The following SAMD3 variants were observed in gnomAD, a reference collection of about 807,000 sequenced individuals.
The protein encoded by SAMD3 is sterile alpha motif domain containing 3.
A neutral mutation model predicts 58.5 loss-of-function variants in SAMD3; 63 were observed. The ratio of observed to expected loss-of-function variants is 1.08; its 90% CI spans 0.88 to 1.33. SAMD3 has a LOEUF of 1.33. Among genes scored for constraint, SAMD3 ranks in the 40% most tolerant of loss-of-function variants. The pLI is 0.00. For missense variants in SAMD3, 604 were observed against 608.4 expected, an observed-to-expected ratio of 0.99 and a Z score of 0.08; for synonymous variants, 220 against 210.3, an observed-to-expected ratio of 1.05 and a Z score of -0.40.
At position 130,199,784 on chromosome 6, in the gene SAMD3, T is replaced by A. The variant is rs367852701; in HGVS notation, c.383+9711A>T. Among the ~76,000 whole-genome samples, 9 of 152,196 alleles carry A rather than the reference T, an allele frequency of 5.9e-5. No homozygotes were observed. In the East Asian group the frequency reaches 1.2e-3, roughly 20 times the overall value. ...GAAAATGCTGTTTTGTTGCTGCAAC[T>A]GATGGTACCCACCGTGAATTCTGAA... On this transcript the variant is annotated intron_variant, in intron 5 of 11. Coordinates refer to ENST00000439090, the MANE Select transcript of SAMD3 (RefSeq NM_001017373.4).
intron 2 of SAMD3, among the ~76,000 whole-genome samples, chr6:130,267,785 A>C (rs1428879357): frequency 6.6e-6 from 1 of 152,198 alleles, no homozygotes; most frequent in African/African-American, 2.4e-5. Context: ...CCACCAGTGC[A>C]TGCAGCCCCT....
At chr6:130,291,923 T>G (rs909246629) in intron 2 of SAMD3, among the ~76,000 whole-genome samples, 4 of 152,156 alleles carry the variant, frequency 2.6e-5, no homozygotes, top group Non-Finnish European at 5.9e-5. Context: ...GTCTAAGTGT[T>G]CAGATAAAAA....
intron 2 of SAMD3, among the ~76,000 whole-genome samples, chr6:130,264,028 T>C (rs1160570608): frequency 6.6e-6 from 1 of 152,204 alleles, no homozygotes; most frequent in Non-Finnish European, 1.5e-5. Flanking sequence ...TAAGACAGGA[T>C]ACCAAGATGC....
At chr6:130,319,975 AAG>A in intron 1 of SAMD3, among the ~76,000 whole-genome samples, 1 of 152,094 alleles carries the variant, frequency 6.6e-6, no homozygotes, top group East Asian at 1.9e-4. Flanking sequence ...ATGAATTGCA[AAG>A]AGAAAAAAAT....
intron 2 of SAMD3, among the ~76,000 whole-genome samples, chr6:130,289,625 G>C (rs1260753720): frequency 6.6e-6 from 1 of 152,106 alleles, no homozygotes; most frequent in Non-Finnish European, 1.5e-5. Context: ...TCAGCCTCCT[G>C]AGTAGCTGGG....
chr6:130,180,656 G>A (rs1178283635), intron 7 of SAMD3, among the ~76,000 whole-genome samples: 1 of 152,084 alleles, frequency 6.6e-6, no homozygotes, highest in African/African-American at 2.4e-5. Flanking sequence ...TGTTTTTTAA[G>A]AGAAATTTTG....
intron 2 of SAMD3, among the ~76,000 whole-genome samples, chr6:130,289,575 C>T (rs1262952510): frequency 6.6e-6 from 1 of 152,224 alleles, no homozygotes; most frequent in East Asian, 1.9e-4. Context: ...TCTCGGCTCA[C>T]TGCAACCTCC....
chr6:130,184,429 GTCAC>G lies in SAMD3; in HGVS notation c.569+5_569+8del. ...CCCAAAGCAGCAAGCTTGTCCTGTTGTCACTCACAGTGAGCCTTCCAGATACTTA... is the reference window on the plus strand; with the variant it reads ...CCCAAAGCAGCAAGCTTGTCCTGTTGTCACAGTGAGCCTTCCAGATACTTA... On this transcript the variant is annotated splice_donor_5th_base_variant and intron_variant, in intron 6 of 11. Transcript: ENST00000439090. The G allele has an allele frequency of 6.2e-7, 1 of 1,611,818 alleles. No homozygotes were observed. The highest frequency in any genetic ancestry group is 1.1e-5 in the South Asian group (1 of 90,706).
intron 1 of SAMD3, among the ~76,000 whole-genome samples, chr6:130,353,214 C>T (rs1466510995): frequency 6.6e-6 from 1 of 152,150 alleles, no homozygotes; most frequent in East Asian, 1.9e-4. Flanking sequence ...AATAATATCT[C>T]TAATCCAGCT....
intron 8 of SAMD3, among the ~76,000 whole-genome samples, chr6:130,168,254 C>A (rs1388369356): frequency 6.6e-6 from 1 of 152,012 alleles, no homozygotes; most frequent in African/African-American, 2.4e-5. Flanking sequence ...CCCAACTTGG[C>A]AAAACCCCAT....
chr6:130,261,847 T>G (rs7756111), intron 2 of SAMD3, among the ~76,000 whole-genome samples: 1 of 151,556 alleles, frequency 6.6e-6, no homozygotes, highest in Admixed American at 6.6e-5. Context: ...ATCCCGGGCA[T>G]CCAGACCAGT....
upstream of SAMD3, among the ~76,000 whole-genome samples, chr6:130,227,356 T>C (rs1318897633): frequency 6.6e-6 from 1 of 152,246 alleles, no homozygotes; most frequent in Non-Finnish European, 1.5e-5. Flanking sequence ...ATATTTTGTT[T>C]ATCCATTCAC....
chr6:130,153,154 A>C (rs1029512595), intron 9 of SAMD3, among the ~76,000 whole-genome samples: 1 of 152,092 alleles, frequency 6.6e-6, no homozygotes, highest in Admixed American at 6.6e-5. Flanking sequence ...ACATGTAAGG[A>C]GTGTATAGAC....
intron 10 of SAMD3, among the ~76,000 whole-genome samples, chr6:130,145,781 T>C (rs1478787233): frequency 6.6e-6 from 1 of 152,032 alleles, no homozygotes; most frequent in Non-Finnish European, 1.5e-5. Context: ...CTCCTCCTCC[T>C]CTAATTGGAA....
intron 2 of SAMD3, among the ~76,000 whole-genome samples, chr6:130,277,651 G>A (rs1193568641): frequency 1.3e-5 from 2 of 152,094 alleles, no homozygotes. Flanking sequence ...TTTTATGAAT[G>A]CCCCAGGTAC....
upstream of SAMD3, chr6:130,365,806 C>G (rs562042087): frequency 3.6e-3 from 3,529 of 985,448 alleles, 7 homozygotes; most frequent in Non-Finnish European, 4.1e-3. Context: ...GCGGATCGGC[C>G]GGCCTGGGCT....
chr6:130,159,099 C>T (rs924131140), intron 8 of SAMD3, among the ~76,000 whole-genome samples: 3 of 152,162 alleles, frequency 2.0e-5, no homozygotes, highest in South Asian at 4.1e-4. Flanking sequence ...CAAATCTCAT[C>T]TTGTAGCTCC....
At chr6:130,267,876 G>A (rs1774417708) in intron 2 of SAMD3, among the ~76,000 whole-genome samples, 1 of 152,176 alleles carries the variant, frequency 6.6e-6, no homozygotes, top group Admixed American at 6.5e-5. Context: ...CTCGGCTCTT[G>A]AGACAGGAGT....
intron 2 of SAMD3, among the ~76,000 whole-genome samples, chr6:130,302,846 C>T (rs915706599): frequency 2.6e-5 from 4 of 152,114 alleles, no homozygotes; most frequent in Admixed American, 1.3e-4. Flanking sequence ...CCACAAGTTA[C>T]CACTTATAAG....
Sources: allele counts gnomAD v4.1 joint callset (sites outside exome capture counted in the v4.1 genomes callset), GRCh38; gene constraint gnomAD v4.1.1; transcripts MANE v1.5; gene names NCBI Gene and HGNC (gene_info 2026-07-23, HGNC 2026-07-21).